LAMA4: variants seen among roughly 807,000 people sequenced by gnomAD.
The protein encoded by LAMA4 is laminin subunit alpha-4.
LAMA4 carries 127 observed loss-of-function variants against 207.1 expected under a neutral mutation model. The observed-to-expected ratio is 0.61, with a 90% CI of 0.53 to 0.71. The LOEUF is 0.71. Ranked by LOEUF, LAMA4 falls within the 30% of genes least tolerant of loss-of-function variation. The pLI is 0.00. For synonymous variants in LAMA4, 761 were observed against 816.0 expected, an observed-to-expected ratio of 0.93 and a Z score of 1.15; for missense variants, 2,093 against 2,246.5, an observed-to-expected ratio of 0.93 and a Z score of 1.38.
intron 11 of LAMA4, among the ~76,000 whole-genome samples, chr6:112,173,365 G>A (rs1781837612): frequency 6.6e-6 from 1 of 152,110 alleles, no homozygotes; most frequent in Non-Finnish European, 1.5e-5. Flanking sequence ...AGGCACATGT[G>A]TTGAATATGT....
chr6:112,252,060 T>C lies in LAMA4; in HGVS notation c.195+1896A>G, dbSNP rs139548808. Among the ~76,000 whole-genome samples, 1,131 of 152,342 alleles carry C rather than the reference T, an allele frequency of 7.4e-3. 10 individuals are homozygous for C. Among genetic ancestry groups the C allele is most frequent in the African/African-American group, 0.026 (1,092 of 41,578 alleles). Reference sequence around the variant, plus strand: ...TCTTTTAATCTGATCATCATCCACATTTTTTATAGTAACAATTGTAACAAC... The same window carrying C: ...TCTTTTAATCTGATCATCATCCACACTTTTTATAGTAACAATTGTAACAAC... On this transcript the variant is annotated intron_variant, in intron 2 of 38. Coordinates refer to ENST00000230538, the MANE Select transcript of LAMA4 (RefSeq NM_001105206.3).
At chr6:112,216,857 C>T in intron 2 of LAMA4, 1 of 283,620 alleles carries the variant, frequency 3.5e-6, no homozygotes, top group Non-Finnish European at 6.9e-6. Flanking sequence ...AGGGTGAGGT[C>T]ATGCTCCCTA....
chr6:112,187,345 T>C lies in LAMA4; in HGVS notation c.966+105A>G, dbSNP rs371468236. The C allele has an allele frequency of 2.2e-4, 282 of 1,289,424 alleles. 1 individual carries two copies. In the African/African-American group the frequency reaches 3.8e-3, roughly 17 times the overall value. 79.9% of individuals were successfully genotyped at this position (1,289,424 alleles called of 1,614,324 possible). On this transcript the variant is annotated intron_variant, in intron 8 of 38. Transcript: ENST00000230538. ...GACCTACAGGTCTAACAACCTGTAA[T>C]ACAGGTATGAGACTCAGATACAAAA...
intron 11 of LAMA4, among the ~76,000 whole-genome samples, chr6:112,173,938 A>G (rs1781868808): frequency 6.6e-6 from 1 of 152,214 alleles, no homozygotes; most frequent in Admixed American, 6.5e-5. Flanking sequence ...AACCAAATGT[A>G]ATATAATAAT....
At chr6:112,112,032 C>T (rs1055978611) in intron 38 of LAMA4, among the ~76,000 whole-genome samples, 1 of 152,198 alleles carries the variant, frequency 6.6e-6, no homozygotes, top group Non-Finnish European at 1.5e-5. Flanking sequence ...AAGCCTAGCA[C>T]AATGCTTAAT....
At chr6:112,152,380 G>A (rs1780452663) in intron 16 of LAMA4, among the ~76,000 whole-genome samples, 1 of 152,000 alleles carries the variant, frequency 6.6e-6, no homozygotes, top group Admixed American at 6.6e-5. Flanking sequence ...AGTTTTGAGA[G>A]TCTTTTGCTT....
intron 25 of LAMA4, among the ~76,000 whole-genome samples, chr6:112,135,192 T>C (rs1779268289): frequency 6.6e-6 from 1 of 152,194 alleles, no homozygotes; most frequent in South Asian, 2.1e-4. Flanking sequence ...GTTTTAACTA[T>C]AGGCTCCATG....
chr6:112,218,358 G>C (rs1351716270), intron 2 of LAMA4: 2 of 152,196 alleles, frequency 1.3e-5, no homozygotes, highest in Non-Finnish European at 2.9e-5. Flanking sequence ...GAAAAATTGT[G>C]AAGGATCTGC....
At chr6:112,249,185 C>G (rs1197658731) in intron 2 of LAMA4, among the ~76,000 whole-genome samples, 3 of 152,094 alleles carry the variant, frequency 2.0e-5, no homozygotes, top group African/African-American at 7.2e-5. Context: ...TGGCTCACGC[C>G]TGTAATCCCA....
intron 12 of LAMA4, among the ~76,000 whole-genome samples, chr6:112,171,362 A>C (rs1169691634): frequency 6.6e-6 from 1 of 152,172 alleles, no homozygotes; most frequent in African/African-American, 2.4e-5. Context: ...TTGCAGTCAG[A>C]CTGTGACTAA....
At chr6:112,136,280 T>C in intron 24 of LAMA4, 26 bp from the exon 25 acceptor site, 2 of 1,579,930 alleles carry the variant, frequency 1.3e-6, no homozygotes, top group Non-Finnish European at 1.7e-6. Context: ...AATTGTAAGA[T>C]AGGAACATCT....
intron 2 of LAMA4, among the ~76,000 whole-genome samples, chr6:112,231,084 T>C (rs1554364278): frequency 6.6e-6 from 1 of 152,212 alleles, no homozygotes; most frequent in Non-Finnish European, 1.5e-5. Flanking sequence ...GCAAACAAAC[T>C]TATGCTGTCC....
intron 6 of LAMA4, among the ~76,000 whole-genome samples, chr6:112,190,949 TTTC>T (rs1783062524): frequency 2.4e-4 from 21 of 86,350 alleles, no homozygotes; most frequent in East Asian, 1.4e-3. Context: ...CTTTCTTTCC[TTTC>T]TTTCTTTCTT....
rs186773558 is a variant in LAMA4, at chr6:112,168,735, T to G, written c.1552-3459A>C. Among the ~76,000 whole-genome samples, 5 of 152,230 alleles carry G rather than the reference T, an allele frequency of 3.3e-5. No individual in the cohort carries two copies. In the East Asian group the frequency reaches 9.7e-4, roughly 29 times the overall value. ...GCACATTTTTCTCATGGCAGGGATA[T>G]ATATGTGTGTGTATGTGCATGTGTG... is the stretch of plus-strand genomic sequence containing the variant. On this transcript the variant is annotated intron_variant, in intron 12 of 38. Coordinates refer to ENST00000230538, the MANE Select transcript of LAMA4 (RefSeq NM_001105206.3).
At position 112,249,303 on chromosome 6, in the gene LAMA4, C is replaced by T. The variant is rs189003489; in HGVS notation, c.195+4653G>A. ...ACTAAAATACGAAAAATTAGTTGGG[C>T]GTTGTGGCATGTGCCTGTAATCCCA... On this transcript the variant is annotated intron_variant, in intron 2 of 38. Coordinates refer to ENST00000230538, the MANE Select transcript of LAMA4 (RefSeq NM_001105206.3). Among the ~76,000 whole-genome samples, 5 of 151,842 alleles carry T rather than the reference C, an allele frequency of 3.3e-5. No individual in the cohort carries two copies. The East Asian group carries it at 5.8e-4, about 18-fold the overall frequency.
chr6:112,203,757 A>C (rs1368990802), intron 4 of LAMA4, among the ~76,000 whole-genome samples: 1 of 152,098 alleles, frequency 6.6e-6, no homozygotes, highest in Non-Finnish European at 1.5e-5. Context: ...CTACTCCTAC[A>C]TGATATTTAC....
At chr6:112,232,127 G>A (rs901206782) in intron 2 of LAMA4, among the ~76,000 whole-genome samples, 4 of 152,124 alleles carry the variant, frequency 2.6e-5, no homozygotes, top group Non-Finnish European at 4.4e-5. Context: ...AGTCGGCTCA[G>A]GGACACTGGT....
intron 12 of LAMA4, among the ~76,000 whole-genome samples, chr6:112,169,379 T>G (rs1781583485): frequency 6.6e-6 from 1 of 152,128 alleles, no homozygotes; most frequent in African/African-American, 2.4e-5. Flanking sequence ...AAGGTGTTGG[T>G]TTTCAGCAGG....
chr6:112,185,458 C>T, intron 8 of LAMA4, 111 bp from the exon 9 acceptor site: 2 of 735,886 alleles, frequency 2.7e-6, no homozygotes, highest in Non-Finnish European at 4.9e-6. Flanking sequence ...AGGCTCTTTT[C>T]TCAAAATAGT....
Sources: gnomAD v4.1 joint callset for allele counts (sites outside exome capture counted in the v4.1 genomes callset) on GRCh38, gnomAD v4.1.1 for gene constraint, MANE v1.5 for transcripts, NCBI Gene and HGNC (gene_info 2026-07-23, HGNC 2026-07-21) for gene names.